CSMD1: variants seen among roughly 807,000 people sequenced by gnomAD.
CSMD1 encodes the protein CUB and sushi domain-containing protein 1.
A neutral mutation model predicts 417.5 loss-of-function variants in CSMD1; 213 were observed. That is an observed-to-expected ratio of 0.51 (90% confidence interval 0.46 to 0.57). The LOEUF (loss-of-function observed/expected upper bound fraction) is 0.57. Among genes scored for constraint, CSMD1 ranks in the 20% least tolerant of loss-of-function variants. The pLI is 0.00. For missense variants in CSMD1, 6,923 were observed against 4,529.7 expected, an observed-to-expected ratio of 1.53 and a Z score of -15.17; for synonymous variants, 2,862 against 1,736.8, an observed-to-expected ratio of 1.65 and a Z score of -16.11.
chr8:4,975,288 G>A (rs1012311919), intron 1 of CSMD1, among the ~76,000 whole-genome samples: 1 of 152,194 alleles, frequency 6.6e-6, no homozygotes, highest in Non-Finnish European at 1.5e-5. Flanking sequence ...AATATCTGCT[G>A]TATATCATTT....
intron 7 of CSMD1, among the ~76,000 whole-genome samples, chr8:3,652,965 C>T (rs934894475): frequency 6.6e-6 from 1 of 152,230 alleles, no homozygotes; most frequent in East Asian, 1.9e-4. Flanking sequence ...CTCCTGACTG[C>T]TTTCAAGTAT....
chr8:3,193,280 C>G (rs1212372838), intron 33 of CSMD1, among the ~76,000 whole-genome samples: 2 of 152,122 alleles, frequency 1.3e-5, no homozygotes, highest in African/African-American at 4.8e-5. Context: ...TCAGAGTGGT[C>G]TATTTTCAAG....
intron 3 of CSMD1, among the ~76,000 whole-genome samples, chr8:4,150,271 C>A (rs1796498761): frequency 6.6e-6 from 1 of 152,280 alleles, no homozygotes; most frequent in South Asian, 2.1e-4. Context: ...TTCCCTTTCC[C>A]CAGATGTAGA....
intron 3 of CSMD1, among the ~76,000 whole-genome samples, chr8:4,241,455 T>C (rs1027601445): frequency 1.3e-5 from 2 of 152,184 alleles, no homozygotes; most frequent in African/African-American, 4.8e-5. Flanking sequence ...TCACTACATC[T>C]CCAACTGCAG....
intron 3 of CSMD1, among the ~76,000 whole-genome samples, chr8:4,201,909 C>A (rs1045327525): frequency 7.0e-6 from 1 of 143,884 alleles, no homozygotes; most frequent in Non-Finnish European, 1.5e-5. Flanking sequence ...GCGCTGCATT[C>A]ATTTGCCATG....
intron 1 of CSMD1, among the ~76,000 whole-genome samples, chr8:4,761,266 G>A (rs73177523): frequency 6.6e-6 from 1 of 151,968 alleles, no homozygotes; most frequent in Non-Finnish European, 1.5e-5. Flanking sequence ...TTCAGAACAG[G>A]AAAGCATGGT....
Position 3,228,801 on chromosome 8 carries a change from C to T in CSMD1, c.4345+1239G>A, listed in dbSNP as rs578212711. On this transcript the variant is annotated intron_variant, in intron 27 of 69. Coordinates refer to ENST00000635120, the MANE Select transcript of CSMD1 (RefSeq NM_033225.6). ...TGGAAGGAAAAAAAAAAACCCTTTC[C>T]TACTGTAAAAGTAGGCCATTGGTTT... Among the ~76,000 whole-genome samples, 8 of 152,126 alleles carry T rather than the reference C, an allele frequency of 5.3e-5. No homozygotes were observed. In the South Asian group the frequency reaches 1.2e-3, roughly 24 times the overall value.
At chr8:3,642,237 C>A (rs1010968300) in intron 7 of CSMD1, among the ~76,000 whole-genome samples, 16 of 151,508 alleles carry the variant, frequency 1.1e-4, no homozygotes, top group Non-Finnish European at 4.4e-5. Context: ...GGTGAAACCC[C>A]CAAGAAGTCA....
At chr8:4,737,556 C>T (rs1362936039) in intron 1 of CSMD1, among the ~76,000 whole-genome samples, 1 of 152,080 alleles carries the variant, frequency 6.6e-6, no homozygotes, top group African/African-American at 2.4e-5. Flanking sequence ...CCCTTATAGA[C>T]ACGGAAGTTA....
intron 21 of CSMD1, among the ~76,000 whole-genome samples, chr8:3,353,532 G>A (rs1033727891): frequency 3.9e-5 from 6 of 152,294 alleles, no homozygotes; most frequent in African/African-American, 7.2e-5. Flanking sequence ...AAGAAACTGC[G>A]AGAGCGCTCC....
chr8:3,443,432 C>G (rs1381044966), intron 12 of CSMD1, among the ~76,000 whole-genome samples: 2 of 152,156 alleles, frequency 1.3e-5, no homozygotes, highest in Non-Finnish European at 2.9e-5. Flanking sequence ...TTACTGCTTA[C>G]CCAATTTGGG....
At chr8:3,794,911 C>G (rs1280586432) in intron 5 of CSMD1, among the ~76,000 whole-genome samples, 1 of 151,760 alleles carries the variant, frequency 6.6e-6, no homozygotes, top group African/African-American at 2.4e-5. Flanking sequence ...GTTTCCTACC[C>G]ATTTTCATCT....
At chr8:4,672,583 C>A (rs1470989048) in intron 1 of CSMD1, among the ~76,000 whole-genome samples, 1 of 151,968 alleles carries the variant, frequency 6.6e-6, no homozygotes, top group Non-Finnish European at 1.5e-5. Context: ...ATTGCTGATT[C>A]CCTACTGTAA....
chr8:3,833,765 G>T (rs184271097), intron 5 of CSMD1, among the ~76,000 whole-genome samples: 81 of 152,128 alleles, frequency 5.3e-4, no homozygotes, highest in African/African-American at 1.7e-3. Flanking sequence ...TGTGGCCCTG[G>T]TTCTCTTCTC....
At chr8:3,912,569 G>C (rs924369807) in intron 5 of CSMD1, among the ~76,000 whole-genome samples, 3 of 152,166 alleles carry the variant, frequency 2.0e-5, no homozygotes. Context: ...GGTGGTTTTG[G>C]AGATGAAAGT....
At chr8:4,164,269 T>C (rs192659645) in intron 3 of CSMD1, among the ~76,000 whole-genome samples, 406 of 152,132 alleles carry the variant, frequency 2.7e-3, no homozygotes, top group African/African-American at 9.3e-3. Flanking sequence ...TTAAAAAAGA[T>C]TAATTTTCTT....
At chr8:3,845,799 A>G (rs555644604) in intron 5 of CSMD1, among the ~76,000 whole-genome samples, 1 of 152,142 alleles carries the variant, frequency 6.6e-6, no homozygotes, top group South Asian at 2.1e-4. Flanking sequence ...TTATTTCTTT[A>G]TATTTTTATT....
chr8:4,769,125 C>G (rs930238825), intron 1 of CSMD1, among the ~76,000 whole-genome samples: 1 of 152,182 alleles, frequency 6.6e-6, no homozygotes, highest in Non-Finnish European at 1.5e-5. Flanking sequence ...TCTACTTGCT[C>G]TATGACCTTG....
intron 8 of CSMD1, among the ~76,000 whole-genome samples, chr8:3,596,032 G>A (rs549805963): frequency 6.7e-6 from 1 of 149,160 alleles, no homozygotes; most frequent in East Asian, 2.0e-4. Context: ...GGAGAGCAAC[G>A]TCAGTGCCTA....
Sources: gnomAD v4.1 joint callset for allele counts (sites outside exome capture counted in the v4.1 genomes callset) on GRCh38, gnomAD v4.1.1 for gene constraint, MANE v1.5 for transcripts, NCBI Gene and HGNC (gene_info 2026-07-23, HGNC 2026-07-21) for gene names.